The following FCHSD2 variants were observed in gnomAD, a reference collection of about 807,000 sequenced individuals.
FCHSD2 encodes the protein F-BAR and double SH3 domains protein 2.
Under a neutral mutation model 108.1 loss-of-function variants are expected in FCHSD2, and 38 were observed. That is an observed-to-expected ratio of 0.35 (90% confidence interval 0.27 to 0.46). The LOEUF (loss-of-function observed/expected upper bound fraction) is 0.46, where lower values mean the gene tolerates loss of function less well. Among genes scored for constraint, FCHSD2 ranks in the 20% least tolerant of loss-of-function variants. The probability of loss-of-function intolerance (pLI) is 1.00; values close to 1 mark genes in which losing one functional copy is unlikely to be tolerated. For synonymous variants in FCHSD2, 279 were observed against 314.7 expected (o/e 0.89, Z 1.20); for missense variants, 751 against 897.8 (o/e 0.84, Z 2.09).
At chr11:72,959,272 C>T (rs1350218988) in intron 8 of FCHSD2, among the ~76,000 whole-genome samples, 6 of 126,068 alleles carry the variant, frequency 4.8e-5, no homozygotes, top group Non-Finnish European at 9.5e-5. Context: ...CTCTGTTGCC[C>T]AGGCTGGAGT....
chr11:72,979,613 A>C (rs1208774597), intron 8 of FCHSD2, among the ~76,000 whole-genome samples: 2 of 152,228 alleles, frequency 1.3e-5, no homozygotes, highest in African/African-American at 4.8e-5. Flanking sequence ...TCAATGAAAG[A>C]GTTTTCAACC....
At chr11:72,926,854 C>T (rs1300622262) in intron 8 of FCHSD2, among the ~76,000 whole-genome samples, 1 of 152,126 alleles carries the variant, frequency 6.6e-6, no homozygotes, top group East Asian at 1.9e-4. Flanking sequence ...GTAGAAGCAT[C>T]TTTCTTCACT....
intron 4 of FCHSD2, among the ~76,000 whole-genome samples, chr11:73,005,096 T>C (rs1857711705): frequency 6.6e-6 from 1 of 152,214 alleles, no homozygotes; most frequent in Non-Finnish European, 1.5e-5. Context: ...AAATCTACAA[T>C]GTCAGTTTTT....
intron 12 of FCHSD2, among the ~76,000 whole-genome samples, 198 bp downstream of exon 12, chr11:72,887,271 TA>T (rs1488574325): frequency 6.6e-6 from 1 of 152,218 alleles, no homozygotes; most frequent in Non-Finnish European, 1.5e-5. Flanking sequence ...TTCATGACTG[TA>T]AACTTTACAG....
At chr11:73,133,558 G>C (rs1330530150) in intron 2 of FCHSD2, among the ~76,000 whole-genome samples, 2 of 152,132 alleles carry the variant, frequency 1.3e-5, no homozygotes, top group Non-Finnish European at 2.9e-5. Context: ...TGGATCACTT[G>C]AGGTCAGGAG....
Position 72,906,238 on chromosome 11 carries a change from T to C in FCHSD2, c.829-3600A>G, listed in dbSNP as rs1855627899. 2.0e-5 allele frequency among the ~76,000 whole-genome samples: 3 copies of C among 152,222 alleles called. No individual in the cohort carries two copies. The South Asian group carries it at 6.2e-4, about 32-fold the overall frequency. On this transcript the variant is annotated intron_variant, in intron 9 of 19. Transcript: ENST00000409418. ...TGCATAAATGTCTTCTTTTGAGAAG[T>C]GTCTGTTCATATCCTTTGCCCACTT...
At chr11:73,100,439 C>T (rs1860196896) in intron 2 of FCHSD2, among the ~76,000 whole-genome samples, 1 of 152,142 alleles carries the variant, frequency 6.6e-6, no homozygotes, top group African/African-American at 2.4e-5. Context: ...TCTCGGTTCA[C>T]CGCAACCTCC....
At chr11:72,938,955 G>T (rs2135338247) in intron 8 of FCHSD2, among the ~76,000 whole-genome samples, 1 of 152,200 alleles carries the variant, frequency 6.6e-6, no homozygotes, top group Non-Finnish European at 1.5e-5. Flanking sequence ...TAGGGTCACA[G>T]AAGTTTTGGT....
At chr11:72,977,234 A>T (rs1376716248) in intron 8 of FCHSD2, among the ~76,000 whole-genome samples, 3 of 152,124 alleles carry the variant, frequency 2.0e-5, no homozygotes, top group Non-Finnish European at 4.4e-5. Context: ...AAACTATTAA[A>T]ATAAAGCATT....
intron 9 of FCHSD2, among the ~76,000 whole-genome samples, chr11:72,904,713 T>G (rs1456201497): frequency 1.3e-5 from 2 of 152,226 alleles, no homozygotes; most frequent in East Asian, 3.8e-4. Context: ...AAAAAGTTTT[T>G]CAAATCAGGA....
At chr11:73,050,330 G>A (rs1419547169) in intron 3 of FCHSD2, among the ~76,000 whole-genome samples, 1 of 152,100 alleles carries the variant, frequency 6.6e-6, no homozygotes, top group Non-Finnish European at 1.5e-5. Flanking sequence ...AAGTCATTAA[G>A]CAATTCAACA....
chr11:72,870,769 G>A (rs563983811), intron 12 of FCHSD2, among the ~76,000 whole-genome samples: 5 of 151,716 alleles, frequency 3.3e-5, no homozygotes, highest in East Asian at 1.9e-4. Context: ...GCGTGGTGGC[G>A]GGTGCCTGTA....
chr11:73,099,836 C>A (rs183270202), intron 2 of FCHSD2, among the ~76,000 whole-genome samples: 1 of 152,296 alleles, frequency 6.6e-6, no homozygotes, highest in East Asian at 1.9e-4. Context: ...GCGGCACCAC[C>A]ATTTTCTTCC....
chr11:72,895,672 G>A (rs780945302), intron 10 of FCHSD2, among the ~76,000 whole-genome samples: 1 of 152,152 alleles, frequency 6.6e-6, no homozygotes, highest in Non-Finnish European at 1.5e-5. Flanking sequence ...CATAGATAGT[G>A]GACTTTTTAC....
intron 5 of FCHSD2, among the ~76,000 whole-genome samples, chr11:72,997,577 G>A (rs1446003156): frequency 6.6e-6 from 1 of 152,148 alleles, no homozygotes; most frequent in African/African-American, 2.4e-5. Context: ...GAGATCAGTA[G>A]TAACATGTTT....
intron 3 of FCHSD2, among the ~76,000 whole-genome samples, chr11:73,065,577 G>A (rs542693047): frequency 6.6e-6 from 1 of 152,288 alleles, no homozygotes; most frequent in Admixed American, 6.5e-5. Context: ...GTCTCTGTTT[G>A]CAGATGACAT....
intron 9 of FCHSD2, among the ~76,000 whole-genome samples, chr11:72,915,472 A>G (rs1169502942): frequency 6.6e-6 from 1 of 152,218 alleles, no homozygotes; most frequent in African/African-American, 2.4e-5. Context: ...CACCATTCAC[A>G]ATAGCAGAGA....
At chr11:73,047,852 A>C (rs1311861747) in intron 3 of FCHSD2, among the ~76,000 whole-genome samples, 1 of 152,226 alleles carries the variant, frequency 6.6e-6, no homozygotes, top group Non-Finnish European at 1.5e-5. Context: ...AATGATGGTG[A>C]GCTAATGACT....
At chr11:72,943,094 T>A (rs6592501) in intron 8 of FCHSD2, among the ~76,000 whole-genome samples, 1 of 152,198 alleles carries the variant, frequency 6.6e-6, no homozygotes, top group Non-Finnish European at 1.5e-5. Flanking sequence ...CGGGTTCAAG[T>A]GATTCTCCTT....
Sources: allele counts gnomAD v4.1 joint callset (sites outside exome capture counted in the v4.1 genomes callset), GRCh38; gene constraint gnomAD v4.1.1; transcripts MANE v1.5; gene names NCBI Gene and HGNC (gene_info 2026-07-23, HGNC 2026-07-21).